The following LRRIQ1 variants were observed in gnomAD, a reference collection of about 807,000 sequenced individuals.
LRRIQ1 encodes leucine rich repeats and IQ motif containing 1, also known as leucine-rich repeat- and IQ domain-containing protein 1.
Under a neutral mutation model 211.9 loss-of-function variants are expected in LRRIQ1, and 210 were observed. The observed-to-expected ratio is 0.99, with a 90% CI of 0.89 to 1.11. The LOEUF (loss-of-function observed/expected upper bound fraction) is 1.11, where lower values mean the gene tolerates loss of function less well. Ranked by LOEUF, LRRIQ1 falls within the 50% of genes most tolerant of loss-of-function variation. LRRIQ1 has a pLI of 0.00. For synonymous variants in LRRIQ1, 699 were observed against 650.1 expected, an observed-to-expected ratio of 1.08 and a Z score of -1.14; for missense variants, 2,136 against 1,939.5, an observed-to-expected ratio of 1.10 and a Z score of -1.90.
rs1473879689 is a variant in LRRIQ1, at chr12:85,038,250, A to G, written c.74A>G (p.Glu25Gly). The G allele has an allele frequency of 1.3e-6, 2 of 1,588,310 alleles. No individual in the cohort carries two copies. Among genetic ancestry groups the G allele is most frequent in the Non-Finnish European group, 1.7e-6 (2 of 1,165,878 alleles). ...GATAAACTCAGCATTTCCTCCTTGG[A>G]AAAAGAAGACATTGAGAGTGATGCA... ...ELDKLSISSL[E>G]KEDIESDAKS... Residue 25 changes from glutamate (E) to glycine (G), a missense_variant, in exon 2 of 27, where the codon GAA (glutamate) becomes GGA (glycine). Transcript: ENST00000393217.
Position 85,157,291 on chromosome 12 carries a change from G to T in LRRIQ1, c.4720+3197G>T, listed in dbSNP as rs79193744. On this transcript the variant is annotated intron_variant, in intron 23 of 26. Coordinates refer to ENST00000393217, the MANE Select transcript of LRRIQ1 (RefSeq NM_001079910.2). Reference sequence around the variant, plus strand: ...AGACCATCTGATTAAAAGAGGAGGAGGGTGGAGAAGGAAGAGGAGGAATTG... The same window carrying T: ...AGACCATCTGATTAAAAGAGGAGGATGGTGGAGAAGGAAGAGGAGGAATTG... 4.0e-5 allele frequency among the ~76,000 whole-genome samples: 6 copies of T among 151,844 alleles called. No homozygotes were observed. In the East Asian group the frequency reaches 7.8e-4, roughly 20 times the overall value.
At chr12:85,177,349 T>C (rs1190521322) in intron 24 of LRRIQ1, among the ~76,000 whole-genome samples, 1 of 152,022 alleles carries the variant, frequency 6.6e-6, no homozygotes, top group Non-Finnish European at 1.5e-5. Context: ...GCAACATAAA[T>C]ACTCCATGTA....
intron 15 of LRRIQ1, among the ~76,000 whole-genome samples, chr12:85,112,093 A>C (rs1887218052): frequency 6.6e-6 from 1 of 151,990 alleles, no homozygotes; most frequent in African/African-American, 2.4e-5. Flanking sequence ...ATATCTAAAA[A>C]ATGATTTCTA....
At chr12:85,199,047 C>T (rs1893161327) in intron 24 of LRRIQ1, among the ~76,000 whole-genome samples, 1 of 152,042 alleles carries the variant, frequency 6.6e-6, no homozygotes, top group African/African-American at 2.4e-5. Context: ...AGTATTTTCT[C>T]CCGTTCTGTA....
chr12:85,252,493 A>G (rs994682086), intron 1 of LRRIQ1, among the ~76,000 whole-genome samples: 2 of 151,950 alleles, frequency 1.3e-5, no homozygotes, highest in Admixed American at 1.3e-4. Context: ...TGAAGTTTTT[A>G]TACAAGTATG....
intron 15 of LRRIQ1, among the ~76,000 whole-genome samples, chr12:85,115,965 A>G (rs922477155): frequency 6.6e-6 from 1 of 152,168 alleles, no homozygotes; most frequent in Non-Finnish European, 1.5e-5. Flanking sequence ...CAGTGTCTCT[A>G]TGTATTTGAA....
chr12:85,067,705 A>G (rs148358895), intron 10 of LRRIQ1, among the ~76,000 whole-genome samples: 1 of 151,836 alleles, frequency 6.6e-6, no homozygotes, highest in East Asian at 2.0e-4. Context: ...AAATATTCCC[A>G]TCAGCCCGTC....
At chr12:85,232,648 C>T (rs201870714) in intron 25 of LRRIQ1, 48 bp from the exon 26 acceptor site, 1 of 1,462,074 alleles carries the variant, frequency 6.8e-7, no homozygotes, top group African/African-American at 1.4e-5. Context: ...TTATATGCTT[C>T]CTCTACATTT....
intron 1 of LRRIQ1, among the ~76,000 whole-genome samples, chr12:85,262,230 A>AT (rs1257752338): frequency 2.6e-5 from 4 of 152,170 alleles, no homozygotes; most frequent in African/African-American, 9.6e-5. Context: ...AATTTCTTCC[A>AT]TTTTATGGCC....
intron 10 of LRRIQ1, among the ~76,000 whole-genome samples, chr12:85,069,183 A>G (rs143940624): frequency 0.057 from 8,502 of 149,174 alleles, 809 homozygotes; most frequent in African/African-American, 0.2. Flanking sequence ...GAGTGAGAAC[A>G]TGCGGTGTTT....
intron 7 of LRRIQ1, among the ~76,000 whole-genome samples, chr12:85,055,306 A>G (rs929027179): frequency 6.6e-6 from 1 of 152,042 alleles, no homozygotes; most frequent in African/African-American, 2.4e-5. Flanking sequence ...TTCAATTCAT[A>G]TCTGGGTGGC....
At chr12:85,111,373 A>G (rs1887162408) in intron 15 of LRRIQ1, among the ~76,000 whole-genome samples, 1 of 151,992 alleles carries the variant, frequency 6.6e-6, no homozygotes, top group Non-Finnish European at 1.5e-5. Flanking sequence ...CACCAAACCT[A>G]CTGCACGAGA....
intron 24 of LRRIQ1, among the ~76,000 whole-genome samples, chr12:85,172,951 TA>T (rs200601281): frequency 6.8e-5 from 10 of 147,652 alleles, no homozygotes; most frequent in East Asian, 2.0e-4. Flanking sequence ...TACTAAAAAT[TA>T]AAAAAAAAAT....
intron 9 of LRRIQ1, among the ~76,000 whole-genome samples, chr12:85,065,698 C>A (rs1357454273): frequency 6.6e-6 from 1 of 151,850 alleles, no homozygotes; most frequent in Non-Finnish European, 1.5e-5. Flanking sequence ...TTTAAACCAA[C>A]AACCATCCTA....
At chr12:85,147,059 G>A (rs1477618086) in intron 19 of LRRIQ1, among the ~76,000 whole-genome samples, 3 of 151,800 alleles carry the variant, frequency 2.0e-5, no homozygotes, top group Admixed American at 6.6e-5. Context: ...AGGTGATAGA[G>A]GTAGGCGCAG....
intron 1 of LRRIQ1, among the ~76,000 whole-genome samples, chr12:85,250,612 C>A (rs114897654): frequency 2.2e-3 from 322 of 149,166 alleles, no homozygotes; most frequent in African/African-American, 7.6e-3. Flanking sequence ...TGGTTCTGTG[C>A]ACCTGTAGTC....
chr12:85,268,559 T>C (rs570056348), downstream of LRRIQ1, among the ~76,000 whole-genome samples: 4 of 152,072 alleles, frequency 2.6e-5, no homozygotes, highest in Admixed American at 2.0e-4. Context: ...GAGGACATTG[T>C]CCTACAGGAG....
chr12:85,240,222 C>T (rs942823649), intron 26 of LRRIQ1, among the ~76,000 whole-genome samples: 3 of 151,992 alleles, frequency 2.0e-5, no homozygotes, highest in Non-Finnish European at 2.9e-5. Flanking sequence ...CAAATGAAAA[C>T]GTGTTCACTT....
At chr12:85,078,318 C>T (rs1297421197) in intron 11 of LRRIQ1, among the ~76,000 whole-genome samples, 1 of 151,814 alleles carries the variant, frequency 6.6e-6, no homozygotes, top group Non-Finnish European at 1.5e-5. Context: ...ATTTTTAATC[C>T]TCATAATGAG....
Sources: gnomAD v4.1 joint callset for allele counts (sites outside exome capture counted in the v4.1 genomes callset) on GRCh38, gnomAD v4.1.1 for gene constraint, MANE v1.5 for transcripts, NCBI Gene and HGNC (gene_info 2026-07-23, HGNC 2026-07-21) for gene names.